The following GSK3B variants were observed in gnomAD, a reference collection of about 807,000 sequenced individuals.
The protein encoded by GSK3B is glycogen synthase kinase 3 beta.
GSK3B carries 15 observed loss-of-function variants against 56.4 expected under a neutral mutation model. That is an observed-to-expected ratio of 0.27 (90% confidence interval 0.18 to 0.41). The LOEUF (loss-of-function observed/expected upper bound fraction) is 0.41, where lower values mean the gene tolerates loss of function less well. Ranked by LOEUF, GSK3B falls within the 10% of genes least tolerant of loss-of-function variation. GSK3B has a pLI of 1.00. For synonymous variants in GSK3B, 181 were observed against 188.9 expected, an observed-to-expected ratio of 0.96 and a Z score of 0.34; for missense variants, 300 against 513.4, an observed-to-expected ratio of 0.58 and a Z score of 4.02.
intron 2 of GSK3B, among the ~76,000 whole-genome samples, chr3:119,980,992 T>C (rs140625251): frequency 0.016 from 2,436 of 152,298 alleles, 63 homozygotes; most frequent in African/African-American, 0.055. Flanking sequence ...CAAGAAATGT[T>C]GTATAATTTA....
intron 1 of GSK3B, among the ~76,000 whole-genome samples, chr3:120,051,207 G>T (rs79546368): frequency 2.6e-5 from 4 of 151,038 alleles, no homozygotes; most frequent in African/African-American, 7.3e-5. Flanking sequence ...AAACTGAATA[G>T]GCTGGTTTAC....
At chr3:120,048,209 A>T (rs11923196) in intron 1 of GSK3B, among the ~76,000 whole-genome samples, 2,986 of 152,338 alleles carry the variant, frequency 0.02, 93 homozygotes, top group African/African-American at 0.067. Context: ...GAATGATGCT[A>T]AAAAGGAGTC....
intron 2 of GSK3B, among the ~76,000 whole-genome samples, chr3:119,949,518 A>C (rs2057133234): frequency 6.6e-6 from 1 of 152,150 alleles, no homozygotes; most frequent in Non-Finnish European, 1.5e-5. Flanking sequence ...CATCATTCTG[A>C]GTAAGGAGAG....
intron 2 of GSK3B, among the ~76,000 whole-genome samples, chr3:119,966,902 C>T (rs1284153565): frequency 6.6e-6 from 1 of 151,986 alleles, no homozygotes; most frequent in African/African-American, 2.4e-5. Context: ...TCAAAAAGAA[C>T]ATTCAGGAAT....
intron 1 of GSK3B, among the ~76,000 whole-genome samples, chr3:120,023,091 C>T (rs2057893224): frequency 6.6e-6 from 1 of 151,864 alleles, no homozygotes; most frequent in African/African-American, 2.4e-5. Flanking sequence ...TGTTAACTAC[C>T]TGACTTAATG....
intron 3 of GSK3B, among the ~76,000 whole-genome samples, chr3:119,933,035 T>A (rs1184195583): frequency 6.6e-6 from 1 of 151,710 alleles, no homozygotes; most frequent in African/African-American, 2.4e-5. Context: ...GAGGTGGAGG[T>A]TGCAGTGATC....
At chr3:119,981,175 C>G (rs2057457266) in intron 2 of GSK3B, among the ~76,000 whole-genome samples, 1 of 152,160 alleles carries the variant, frequency 6.6e-6, no homozygotes, top group Non-Finnish European at 1.5e-5. Context: ...AATTAAAATC[C>G]CAAACTTACA....
chr3:120,047,321 T>G (rs1463463679), intron 1 of GSK3B, among the ~76,000 whole-genome samples: 1 of 152,164 alleles, frequency 6.6e-6, no homozygotes, highest in Non-Finnish European at 1.5e-5. Context: ...CTGAGATAAC[T>G]ATAAGGAATC....
At chr3:119,954,914 C>G (rs2057196772) in intron 2 of GSK3B, among the ~76,000 whole-genome samples, 1 of 152,054 alleles carries the variant, frequency 6.6e-6, no homozygotes, top group Non-Finnish European at 1.5e-5. Flanking sequence ...GGTGAAGAAA[C>G]AACCAGCAAG....
intron 3 of GSK3B, among the ~76,000 whole-genome samples, chr3:119,944,370 G>T (rs2057079550): frequency 6.6e-6 from 1 of 152,054 alleles, no homozygotes. Context: ...ACCTCAAAAA[G>T]AAAACTGAAA....
rs530665418 is a variant in GSK3B, at chr3:119,963,141, G to A, written c.283-15790C>T. Among the ~76,000 whole-genome samples, 3 of 152,258 alleles carry A rather than the reference G, an allele frequency of 2.0e-5. No individual in the cohort carries two copies. In the East Asian group the frequency reaches 5.8e-4, roughly 29 times the overall value. The stretch of plus-strand genomic sequence containing the variant: ...ATACTTAGGAATTAACTTAACCAAG[G>A]AGGTGAAAGACTTGTACACTAAAAA... On this transcript the variant is annotated intron_variant, in intron 2 of 10. Coordinates refer to ENST00000264235, the MANE Select transcript of GSK3B (RefSeq NM_001146156.2).
intron 1 of GSK3B, among the ~76,000 whole-genome samples, chr3:120,080,246 A>G (rs1015922077): frequency 1.3e-5 from 2 of 152,044 alleles, no homozygotes; most frequent in African/African-American, 4.8e-5. Flanking sequence ...AGCCAAGATC[A>G]CACCACTGTA....
chr3:119,980,345 C>G (rs913563055), intron 2 of GSK3B, among the ~76,000 whole-genome samples: 2 of 152,074 alleles, frequency 1.3e-5, no homozygotes, highest in African/African-American at 4.8e-5. Flanking sequence ...ACAAAATCAT[C>G]TTTGCTTGTG....
At chr3:120,066,110 G>A (rs939035608) in intron 1 of GSK3B, among the ~76,000 whole-genome samples, 1 of 152,150 alleles carries the variant, frequency 6.6e-6, no homozygotes, top group Non-Finnish European at 1.5e-5. Context: ...AACGCTATAT[G>A]TATTTTCACA....
chr3:120,025,804 T>C (rs781483290), intron 1 of GSK3B, among the ~76,000 whole-genome samples: 5 of 152,174 alleles, frequency 3.3e-5, no homozygotes, highest in Non-Finnish European at 5.9e-5. Context: ...CAGAAGATGT[T>C]TGTAGAAAAA....
chr3:119,983,004 A>G (rs999217830), intron 2 of GSK3B, among the ~76,000 whole-genome samples: 1 of 152,218 alleles, frequency 6.6e-6, no homozygotes, highest in African/African-American at 2.4e-5. Flanking sequence ...CTAACAGTGG[A>G]TCTCTCGGCA....
intron 7 of GSK3B, among the ~76,000 whole-genome samples, chr3:119,890,008 T>C (rs1209882191): frequency 2.0e-5 from 3 of 152,130 alleles, no homozygotes; most frequent in African/African-American, 7.2e-5. Flanking sequence ...ATACCATGTG[T>C]TGATGAGAAT....
At chr3:119,989,099 C>T (rs1487915113) in intron 2 of GSK3B, among the ~76,000 whole-genome samples, 1 of 152,158 alleles carries the variant, frequency 6.6e-6, no homozygotes, top group African/African-American at 2.4e-5. Context: ...GATGTTTCAG[C>T]AGACGCTGCC....
At chr3:120,086,598 C>T (rs2058464964) in intron 1 of GSK3B, among the ~76,000 whole-genome samples, 2 of 152,146 alleles carry the variant, frequency 1.3e-5, no homozygotes, top group African/African-American at 4.8e-5. Flanking sequence ...AGTTCAAGAC[C>T]AGCCTGGGCA....
Sources: gnomAD v4.1 joint callset for allele counts (sites outside exome capture counted in the v4.1 genomes callset) on GRCh38, gnomAD v4.1.1 for gene constraint, MANE v1.5 for transcripts, NCBI Gene and HGNC (gene_info 2026-07-23, HGNC 2026-07-21) for gene names.